The following LPP variants were observed in gnomAD, a reference collection of about 807,000 sequenced individuals.
The protein encoded by LPP is lipoma-preferred partner.
A neutral mutation model predicts 60.4 loss-of-function variants in LPP; 38 were observed. The observed-to-expected ratio is 0.63, with a 90% confidence interval of 0.49 to 0.83. LPP has a LOEUF of 0.83. LPP is among the 40% of genes least tolerant of loss of function. The probability of loss-of-function intolerance (pLI) is 0.00; values close to 1 mark genes in which losing one functional copy is unlikely to be tolerated. For missense variants in LPP, 902 were observed against 783.6 expected, an observed-to-expected ratio of 1.15 and a Z score of -1.80; for synonymous variants, 328 against 290.8, an observed-to-expected ratio of 1.13 and a Z score of -1.30.
intron 9 of LPP, among the ~76,000 whole-genome samples, chr3:188,852,620 A>T (rs749724839): frequency 2.0e-5 from 3 of 152,034 alleles, no homozygotes; most frequent in Non-Finnish European, 2.9e-5. Flanking sequence ...TCCTCTCTTG[A>T]CCTTCTGCCT....
intron 6 of LPP, among the ~76,000 whole-genome samples, chr3:188,538,302 G>C (rs1443934532): frequency 1.3e-5 from 2 of 152,128 alleles, no homozygotes; most frequent in Admixed American, 6.5e-5. Context: ...TCATGTATCT[G>C]TTAAGGGGCT....
At chr3:188,484,017 CTA>C (rs1480260285) in intron 4 of LPP, among the ~76,000 whole-genome samples, 1 of 151,998 alleles carries the variant, frequency 6.6e-6, no homozygotes, top group Non-Finnish European at 1.5e-5. Context: ...CATGTTTTTC[CTA>C]TGTCATGACT....
At chr3:188,168,986 A>G (rs1030794102) in intron 1 of LPP, among the ~76,000 whole-genome samples, 2 of 152,146 alleles carry the variant, frequency 1.3e-5, no homozygotes, top group Admixed American at 6.5e-5. Context: ...TCCCATCCCA[A>G]GGGGCCTTTG....
At chr3:188,436,334 G>A (rs947695382) in intron 4 of LPP, among the ~76,000 whole-genome samples, 15 of 152,066 alleles carry the variant, frequency 9.9e-5, no homozygotes, top group African/African-American at 3.6e-4. Flanking sequence ...TATTTTACAC[G>A]AAGAAACTGA....
intron 3 of LPP, among the ~76,000 whole-genome samples, chr3:188,343,185 G>T (rs868839863): frequency 2.0e-5 from 3 of 151,990 alleles, no homozygotes; most frequent in African/African-American, 7.3e-5. Context: ...CCATCAACGG[G>T]CCCCGATGTG....
At position 188,433,692 on chromosome 3, in the gene LPP, G is replaced by A. The variant is rs114415613; in HGVS notation, c.193+27379G>A. Among the ~76,000 whole-genome samples the A allele has an allele frequency of 1.4e-3, 206 of 149,596 alleles. 1 individual carries two copies. Among genetic ancestry groups the A allele is most frequent in the African/African-American group, 4.9e-3 (199 of 40,594 alleles). On this transcript the variant is annotated intron_variant, in intron 4 of 11. Coordinates refer to ENST00000617246, the MANE Select transcript of LPP (RefSeq NM_001375462.1). ...GAGAAAGAGGAGAAAATAGGAAGGA[G>A]AGAGAGAGATGATGGAGAAGAGAGG... is the stretch of plus-strand genomic sequence containing the variant.
intron 5 of LPP, among the ~76,000 whole-genome samples, chr3:188,501,640 T>TC (rs1444503953): frequency 6.6e-6 from 1 of 151,964 alleles, no homozygotes; most frequent in Non-Finnish European, 1.5e-5. Context: ...TCCCAGCTAA[T>TC]CGGGAGGCTG....
intron 7 of LPP, among the ~76,000 whole-genome samples, chr3:188,693,943 CCTT>C (rs1862663113): frequency 6.6e-6 from 1 of 152,156 alleles, no homozygotes; most frequent in Non-Finnish European, 1.5e-5. Context: ...TGATTTTACT[CCTT>C]ATTTTCTAGA....
intron 2 of LPP, among the ~76,000 whole-genome samples, chr3:188,316,644 G>C (rs921426226): frequency 2.0e-5 from 3 of 152,122 alleles, no homozygotes; most frequent in Non-Finnish European, 4.4e-5. Context: ...ATGCAGAGCT[G>C]GGGGGAAGCC....
intron 4 of LPP, among the ~76,000 whole-genome samples, chr3:188,423,458 C>CAT (rs2149063744): frequency 6.6e-6 from 1 of 152,270 alleles, no homozygotes; most frequent in African/African-American, 2.4e-5. Context: ...TGGGTGTATA[C>CAT]CCAGTAATGG....
intron 4 of LPP, chr3:188,472,816 TATTCCAAGTCTCCTAAATAGTA>T (rs1802190451): frequency 6.6e-6 from 1 of 152,242 alleles, no homozygotes; most frequent in Non-Finnish European, 1.5e-5. Context: ...CCTGCTCGTC[TATTCCAAGTCTCCTAAATAGTA>T]AGAACCTCTT....
At chr3:188,186,602 T>A (rs1015816419) in intron 1 of LPP, among the ~76,000 whole-genome samples, 5 of 147,514 alleles carry the variant, frequency 3.4e-5, no homozygotes, top group African/African-American at 9.9e-5. Flanking sequence ...TTTTTTTTTT[T>A]AATTTAAAAG....
At chr3:188,630,412 GA>G (rs1380086163) in intron 7 of LPP, among the ~76,000 whole-genome samples, 1 of 152,100 alleles carries the variant, frequency 6.6e-6, no homozygotes, top group Non-Finnish European at 1.5e-5. Flanking sequence ...AAAACACAAT[GA>G]GATTCCTTCT....
intron 6 of LPP, among the ~76,000 whole-genome samples, chr3:188,551,046 G>C (rs1481554295): frequency 6.6e-6 from 1 of 152,110 alleles, no homozygotes; most frequent in Admixed American, 6.6e-5. Flanking sequence ...TTAACTCATG[G>C]AGAGAGATCA....
chr3:188,592,377 G>GTC (rs886418713), intron 6 of LPP, among the ~76,000 whole-genome samples: 3 of 150,478 alleles, frequency 2.0e-5, no homozygotes, highest in Non-Finnish European at 3.0e-5. Flanking sequence ...CATACACACA[G>GTC]TCACACACAC....
chr3:188,180,678 G>A (rs564726375), intron 1 of LPP: 1 of 153,128 alleles, frequency 6.5e-6, no homozygotes, highest in African/African-American at 2.4e-5. Context: ...TCTTTCTTTA[G>A]TGGTGCTTTT....
chr3:188,792,188 C>T (rs564351434), intron 9 of LPP, among the ~76,000 whole-genome samples: 31 of 152,258 alleles, frequency 2.0e-4, no homozygotes, highest in African/African-American at 7.0e-4. Flanking sequence ...TACGAGTTAA[C>T]AACTTAACGC....
intron 3 of LPP, among the ~76,000 whole-genome samples, chr3:188,362,032 A>T (rs965669641): frequency 1.3e-5 from 2 of 152,152 alleles, no homozygotes; most frequent in Admixed American, 6.5e-5. Flanking sequence ...CTCTTGCACC[A>T]AGCGAAATGT....
chr3:188,403,575 A>G (rs1365258), intron 3 of LPP, among the ~76,000 whole-genome samples: 1 of 152,182 alleles, frequency 6.6e-6, no homozygotes, highest in Non-Finnish European at 1.5e-5. Flanking sequence ...CAAACCAGTC[A>G]CTTTTATCCC....
Sources: gnomAD v4.1 joint callset for allele counts (sites outside exome capture counted in the v4.1 genomes callset) on GRCh38, gnomAD v4.1.1 for gene constraint, MANE v1.5 for transcripts, NCBI Gene and HGNC (gene_info 2026-07-23, HGNC 2026-07-21) for gene names.